FGD6: variants seen among roughly 807,000 people sequenced by gnomAD.
FGD6 encodes FYVE, RhoGEF and PH domain-containing protein 6.
FGD6 carries 90 observed loss-of-function variants against 149.4 expected under a neutral mutation model. The ratio of observed to expected loss-of-function variants is 0.60; its 90% CI spans 0.51 to 0.72. FGD6 has a LOEUF of 0.72. FGD6 is among the 30% of genes least tolerant of loss of function. The probability of loss-of-function intolerance (pLI) is 0.00; values close to 1 mark genes in which losing one functional copy is unlikely to be tolerated. For missense variants in FGD6, 1,437 were observed against 1,684.8 expected (o/e 0.85, Z 2.57); for synonymous variants, 527 against 584.0 (o/e 0.90, Z 1.41).
In FGD6 at chr12:95,092,857, G is replaced by A; in HGVS notation, c.3601-12C>T. 1 of 1,599,530 alleles carries A rather than the reference G, an allele frequency of 6.3e-7. No individual in the cohort carries two copies. Among genetic ancestry groups the A allele is most frequent in the South Asian group, 1.1e-5 (1 of 88,646 alleles). On this transcript the variant is annotated splice_polypyrimidine_tract_variant and intron_variant, in intron 15 of 20. Transcript: ENST00000343958. The stretch of plus-strand genomic sequence containing the variant: ...TTTTCTGAGTCTGCCTGTGGAAGAA[G>A]AACAACTTCTGATTATCTCCATGCA...
chr12:95,160,131 G>C (rs527697342), intron 3 of FGD6, among the ~76,000 whole-genome samples: 2 of 151,930 alleles, frequency 1.3e-5, no homozygotes, highest in South Asian at 4.2e-4. Context: ...GATCACTTGA[G>C]CACAGGAGTT....
At chr12:95,188,846 C>G (rs1398194406) in intron 2 of FGD6, among the ~76,000 whole-genome samples, 1 of 151,054 alleles carries the variant, frequency 6.6e-6, no homozygotes, top group East Asian at 1.9e-4. Flanking sequence ...AAAGGTAAAG[C>G]AGGCAGAGAG....
intron 8 of FGD6, among the ~76,000 whole-genome samples, chr12:95,116,152 TCA>T (rs2136245847): frequency 6.6e-6 from 1 of 152,290 alleles, no homozygotes; most frequent in South Asian, 2.1e-4. Flanking sequence ...ATAAATATTC[TCA>T]CTCTGACCCC....
At position 95,186,228 on chromosome 12, in the gene FGD6, CTTTTTTTTTTTTTTTTTTTTT is replaced by C. The variant is rs1174763781; in HGVS notation, c.2442-13505_2442-13485del. On this transcript the variant is annotated intron_variant, in intron 2 of 20. Coordinates refer to ENST00000343958, the MANE Select transcript of FGD6 (RefSeq NM_018351.4). The stretch of plus-strand genomic sequence containing the variant: ...TAAGAATGCTTCTTATATTCTTCTT[CTTTTTTTTTTTTTTTTTTTTT>C]TTTTTTTTTTTTTTTTTGAGACGGA... 1.4e-3 allele frequency among the ~76,000 whole-genome samples: 55 copies of C among 39,008 alleles called. 1 individual carries two copies. Among genetic ancestry groups the C allele is most frequent in the South Asian group, 7.1e-3 (9 of 1,264 alleles). The allele number at this position is 39,008 out of a possible 152,430, so 25.6% of individuals were successfully genotyped here. A position where few individuals can be genotyped will look rare whatever the true frequency, so the allele number is the denominator to read the frequency against.
chr12:95,162,251 G>A (rs1055777898), intron 3 of FGD6, among the ~76,000 whole-genome samples: 3 of 151,974 alleles, frequency 2.0e-5, no homozygotes, highest in African/African-American at 4.8e-5. Context: ...GGCCAGGTGC[G>A]GTGGCTCACA....
At chr12:95,211,306 CAAAGCACA>C (rs753213399) in intron 1 of FGD6, 39 bp from the exon 2 acceptor site, 24 of 1,516,098 alleles carry the variant, frequency 1.6e-5, no homozygotes, top group Middle Eastern at 1.8e-4. Context: ...TCAAAACAAC[CAAAGCACA>C]AAATGATACA....
chr12:95,097,495 G>C (rs1425003323), intron 14 of FGD6, among the ~76,000 whole-genome samples: 1 of 152,042 alleles, frequency 6.6e-6, no homozygotes, highest in Non-Finnish European at 1.5e-5. Context: ...AATTAGCCAG[G>C]CATGGCGGTG....
rs1166175281 is a variant in FGD6, at chr12:95,194,658, T to A, written c.2441+14185A>T. On this transcript the variant is annotated intron_variant, in intron 2 of 20. Transcript: ENST00000343958. ...AGGACAAGAGGGGTCTTGGTGGTGA[T>A]GGAATGGTGAAGATGGAGATGCAAA... Among the ~76,000 whole-genome samples the A allele has an allele frequency of 2.6e-5, 4 of 151,790 alleles. No homozygotes were observed. The East Asian group carries it at 7.7e-4, about 29-fold the overall frequency.
At chr12:95,158,052 T>C (rs1880525406) in intron 3 of FGD6, among the ~76,000 whole-genome samples, 1 of 152,096 alleles carries the variant, frequency 6.6e-6, no homozygotes. Flanking sequence ...TTGACCATGT[T>C]GGCCAGCATG....
At chr12:95,186,562 A>C (rs1881443892) in intron 2 of FGD6, among the ~76,000 whole-genome samples, 1 of 151,954 alleles carries the variant, frequency 6.6e-6, no homozygotes, top group Non-Finnish European at 1.5e-5. Flanking sequence ...ACACATGAAA[A>C]TGATTTTCAT....
In FGD6 at chr12:95,211,090, C is replaced by A. The variant is rs1490797029; in HGVS notation, c.194G>T (p.Arg65Leu). 1 of 1,614,060 alleles carries A rather than the reference C, an allele frequency of 6.2e-7. No individual in the cohort carries two copies. The highest frequency in any genetic ancestry group is 2.2e-5 in the East Asian group (1 of 44,902). The change falls in exon 2 of 21, where the codon CGA becomes CTA. Residue 65 changes from arginine (R) to leucine (L), a missense_variant. Physicochemically the swap from Arg to Leu is moderately radical, Grantham distance 102. This residue lies in a region of FGD6 where 1,055 missense variants were observed against 1,146.0 expected (regional missense o/e 0.92). Coordinates refer to ENST00000343958, the MANE Select transcript of FGD6 (RefSeq NM_018351.4). ...CCTTGATGGCGACTGCCCAATCTCT[C>A]GAACAGGTGAGGTCTTCAGGACTTT... ...KPKVLKTSPV[R>L]EIGQSPSRKI...
chr12:95,179,911 T>C (rs937510867), intron 2 of FGD6, among the ~76,000 whole-genome samples: 3 of 152,062 alleles, frequency 2.0e-5, no homozygotes, highest in Non-Finnish European at 2.9e-5. Flanking sequence ...AAACCCCATC[T>C]CTACTAAAAA....
rs533834870 is a variant in FGD6 at position 95,112,554 on chromosome 12, C to T, written c.3133+1097G>A. On this transcript the variant is annotated intron_variant, in intron 9 of 20. Transcript: ENST00000343958. ...GGCAGAGGTTGCAGTGAGCCGATAT[C>T]GTGCCACTGCACTCCAGCCTGGGTG... Among the ~76,000 whole-genome samples, 8 of 152,144 alleles carry T rather than the reference C, an allele frequency of 5.3e-5. No individual in the cohort carries two copies. The South Asian group carries it at 1.7e-3, about 32-fold the overall frequency.
chr12:95,189,426 T>A (rs1369828709), intron 2 of FGD6: 1 of 152,108 alleles, frequency 6.6e-6, no homozygotes, highest in East Asian at 1.9e-4. Flanking sequence ...TGAGGGAGGA[T>A]CGCTTGAGCC....
rs755710827 is a variant in FGD6, at chr12:95,186,219, ATTC to A, written c.2442-13478_2442-13476del. Among the ~76,000 whole-genome samples, 27 of 32,988 alleles carry A rather than the reference ATTC, an allele frequency of 8.2e-4. 10 individuals are homozygous for A. The highest frequency in any genetic ancestry group is 1.7e-3 in the African/African-American group (12 of 7,232). The allele number at this position is 32,988 out of a possible 152,430, so 21.6% of individuals were successfully genotyped here. A position where few individuals can be genotyped will look rare whatever the true frequency, so the allele number is the denominator to read the frequency against. ...TCTATGAGCTAAGAATGCTTCTTAT[ATTC>A]TTCTTCTTTTTTTTTTTTTTTTTTT... On this transcript the variant is annotated intron_variant, in intron 2 of 20. Coordinates refer to ENST00000343958, the MANE Select transcript of FGD6 (RefSeq NM_018351.4).
chr12:95,202,779 G>A (rs545050066), intron 2 of FGD6, among the ~76,000 whole-genome samples: 1 of 152,306 alleles, frequency 6.6e-6, no homozygotes, highest in South Asian at 2.1e-4. Context: ...CAAATGCAGG[G>A]TAAGTATGCA....
At chr12:95,113,586 TTA>T in intron 9 of FGD6, 63 bp downstream of exon 9, 3 of 1,235,618 alleles carry the variant, frequency 2.4e-6, no homozygotes, top group Non-Finnish European at 3.5e-6. Context: ...CAATATATTT[TTA>T]CTTTCTAGCC....
At chr12:95,098,506 C>A (rs1878314730) in intron 14 of FGD6, among the ~76,000 whole-genome samples, 1 of 152,170 alleles carries the variant, frequency 6.6e-6, no homozygotes, top group Non-Finnish European at 1.5e-5. Context: ...GGGTCATTCT[C>A]TTCCTCATTC....
intron 15 of FGD6, among the ~76,000 whole-genome samples, chr12:95,094,159 CAA>C (rs112167103): frequency 2.4e-5 from 3 of 126,622 alleles, no homozygotes; most frequent in South Asian, 2.5e-4. Flanking sequence ...AATTCTGTCT[CAA>C]AAAAAAAAAA....
Sources: allele counts gnomAD v4.1 joint callset (sites outside exome capture counted in the v4.1 genomes callset), GRCh38; gene constraint gnomAD v4.1.1; regional missense constraint gnomAD v4.1.1; transcripts MANE v1.5; gene names NCBI Gene and HGNC (gene_info 2026-07-23, HGNC 2026-07-21).